ADGB: variants seen among roughly 807,000 people sequenced by gnomAD.
ADGB encodes the protein calpain-7-like protein.
ADGB carries 172 observed loss-of-function variants against 210.5 expected under a neutral mutation model. The ratio of observed to expected loss-of-function variants is 0.82; its 90% CI spans 0.72 to 0.93. ADGB has a LOEUF of 0.93. Among genes scored for constraint, ADGB ranks in the 40% least tolerant of loss-of-function variants. The pLI is 0.00. For synonymous variants in ADGB, 658 were observed against 662.7 expected (o/e 0.99, Z 0.11); for missense variants, 2,025 against 1,964.8 (o/e 1.03, Z -0.58).
intron 35 of ADGB, among the ~76,000 whole-genome samples, chr6:146,806,514 T>G (rs1162004511): frequency 1.3e-5 from 2 of 152,198 alleles, no homozygotes; most frequent in Non-Finnish European, 2.9e-5. Flanking sequence ...AGTATTATCT[T>G]TTGTAAAAAC....
intron 29 of ADGB, among the ~76,000 whole-genome samples, chr6:146,781,050 G>A (rs749567821): frequency 3.3e-5 from 5 of 151,812 alleles, no homozygotes; most frequent in African/African-American, 4.8e-5. Flanking sequence ...ATTGGAGGCC[G>A]GGCGCGGTAG....
intron 1 of ADGB, among the ~76,000 whole-genome samples, chr6:146,631,369 C>CA (rs1198004115): frequency 3.3e-5 from 5 of 152,110 alleles, no homozygotes; most frequent in Non-Finnish European, 7.4e-5. Flanking sequence ...TTATAGGACT[C>CA]AGACAGACAT....
intron 20 of ADGB, among the ~76,000 whole-genome samples, chr6:146,731,358 A>AAAAC (rs1477939995): frequency 2.9e-5 from 1 of 33,962 alleles, no homozygotes; most frequent in Non-Finnish European, 6.2e-5. Context: ...ACCATATGAC[A>AAAAC]AAAAAAAAAA....
At chr6:146,770,711 C>T in intron 29 of ADGB, 1 of 402,808 alleles carries the variant, frequency 2.5e-6, no homozygotes, top group South Asian at 1.8e-5. Context: ...TATCAATATT[C>T]CACGTAGACA....
chr6:146,689,338 C>G (rs1039195908), intron 10 of ADGB, among the ~76,000 whole-genome samples: 9 of 152,070 alleles, frequency 5.9e-5, no homozygotes. Context: ...TTATTAATAG[C>G]ATTACTTTAC....
chr6:146,689,261 C>CT (rs772423277), intron 10 of ADGB, among the ~76,000 whole-genome samples: 1 of 152,144 alleles, frequency 6.6e-6, no homozygotes, highest in Non-Finnish European at 1.5e-5. Flanking sequence ...TCTCCCTCAT[C>CT]CCCTAATTGT....
intron 33 of ADGB, among the ~76,000 whole-genome samples, chr6:146,798,398 C>G (rs1778076050): frequency 6.6e-6 from 1 of 152,086 alleles, no homozygotes; most frequent in Non-Finnish European, 1.5e-5. Context: ...AAACTCACAA[C>G]AAACTGGTAA....
chr6:146,674,066 T>C (rs889672489), intron 8 of ADGB, among the ~76,000 whole-genome samples: 1 of 152,122 alleles, frequency 6.6e-6, no homozygotes, highest in African/African-American at 2.4e-5. Flanking sequence ...AAGGAAAAAG[T>C]GTTGCAGGAA....
chr6:146,697,067 GACTA>G (rs1419131618), intron 12 of ADGB, among the ~76,000 whole-genome samples: 1 of 152,058 alleles, frequency 6.6e-6, no homozygotes, highest in Non-Finnish European at 1.5e-5. Flanking sequence ...GGAAAAAAAA[GACTA>G]ACTAAATACA....
intron 1 of ADGB, among the ~76,000 whole-genome samples, chr6:146,607,960 G>A (rs570945828): frequency 1.5e-4 from 23 of 152,270 alleles, no homozygotes; most frequent in East Asian, 9.7e-4. Flanking sequence ...TGTTGGAATC[G>A]TTTCAGTAGG....
intron 1 of ADGB, among the ~76,000 whole-genome samples, chr6:146,616,383 C>T (rs943369896): frequency 9.3e-5 from 14 of 151,010 alleles, no homozygotes; most frequent in Non-Finnish European, 2.1e-4. Context: ...TGTCTGTTTA[C>T]TCTGTTAATG....
At position 146,815,064 on chromosome 6, in the gene ADGB, C is replaced by T. The variant is rs184207097; in HGVS notation, c.4851C>T (p.Phe1617=). The T allele has an allele frequency of 9.4e-5, 145 of 1,544,582 alleles. No individual in the cohort carries two copies. The highest frequency in any genetic ancestry group is 1.1e-4 in the Non-Finnish European group (129 of 1,145,408). The change falls in exon 36 of 36, where the codon TTC becomes TTT. Residue 1617 remains phenylalanine (F), a synonymous_variant. Coordinates refer to ENST00000397944, the MANE Select transcript of ADGB (RefSeq NM_024694.4). The part of the protein sequence containing the change: ...DSLDEARQKI[F]DIREEYRNKL... ...TAGATGAAGCCCGACAGAAAATTTTCGACATCCGGGAAGAGTACAGAAACA... is the reference window on the plus strand; with the variant it reads ...TAGATGAAGCCCGACAGAAAATTTTTGACATCCGGGAAGAGTACAGAAACA...
At chr6:146,652,691 C>T (rs773605220) in intron 3 of ADGB, among the ~76,000 whole-genome samples, 17 of 151,796 alleles carry the variant, frequency 1.1e-4, no homozygotes, top group South Asian at 2.1e-4. Flanking sequence ...TTTAATCTAA[C>T]AGGATATTAA....
chr6:146,724,356 T>C (rs769878003), intron 18 of ADGB, 29 bp downstream of exon 18: 2 of 1,487,846 alleles, frequency 1.3e-6, no homozygotes, highest in Non-Finnish European at 8.9e-7. Context: ...TTTCCCATAA[T>C]AAAAATTGTT....
chr6:146,752,427 G>C, intron 26 of ADGB, 103 bp from the exon 27 acceptor site: 1 of 1,043,922 alleles, frequency 9.6e-7, no homozygotes, highest in Non-Finnish European at 1.4e-6. Flanking sequence ...GTCACAGTTT[G>C]ACAGCAGATT....
chr6:146,619,372 T>G (rs1780857170), intron 1 of ADGB, among the ~76,000 whole-genome samples: 1 of 152,022 alleles, frequency 6.6e-6, no homozygotes, highest in Admixed American at 6.6e-5. Context: ...CATTCAAGGT[T>G]ATTATTGATA....
At chr6:146,782,615 G>A (rs1777818194) in intron 30 of ADGB, among the ~76,000 whole-genome samples, 1 of 152,168 alleles carries the variant, frequency 6.6e-6, no homozygotes, top group Non-Finnish European at 1.5e-5. Context: ...AAGCAAAGAC[G>A]TGATGAGGCG....
chr6:146,629,589 C>T (rs1332202658), intron 1 of ADGB, among the ~76,000 whole-genome samples: 2 of 152,108 alleles, frequency 1.3e-5, no homozygotes, highest in African/African-American at 4.8e-5. Flanking sequence ...GAAATGATAT[C>T]TTCCTTTAAA....
At chr6:146,702,698 T>C (rs570642295) in intron 13 of ADGB, among the ~76,000 whole-genome samples, 1 of 151,920 alleles carries the variant, frequency 6.6e-6, no homozygotes, top group Non-Finnish European at 1.5e-5. Context: ...GTATCTTCAT[T>C]CTTAAAGCTT....
Sources: gnomAD v4.1 joint callset for allele counts (sites outside exome capture counted in the v4.1 genomes callset) on GRCh38, gnomAD v4.1.1 for gene constraint, MANE v1.5 for transcripts, NCBI Gene and HGNC (gene_info 2026-07-23, HGNC 2026-07-21) for gene names.